The following MYH13 variants were observed in gnomAD, a reference collection of about 807,000 sequenced individuals.
The protein encoded by MYH13 is myosin-13.
A neutral mutation model predicts 232.1 loss-of-function variants in MYH13; 177 were observed. That is an observed-to-expected ratio of 0.76 (90% CI 0.67 to 0.86). The LOEUF (loss-of-function observed/expected upper bound fraction) is 0.86, where lower values mean the gene tolerates loss of function less well. Ranked by LOEUF, MYH13 falls within the 40% of genes least tolerant of loss-of-function variation. The pLI, the probability that MYH13 is intolerant of heterozygous loss-of-function variation, is 0.00. For synonymous variants in MYH13, 884 were observed against 923.5 expected, an observed-to-expected ratio of 0.96 and a Z score of 0.78; for missense variants, 2,246 against 2,405.9, an observed-to-expected ratio of 0.93 and a Z score of 1.39.
intron 23 of MYH13, among the ~76,000 whole-genome samples, chr17:10,322,343 A>T (rs377023568): frequency 6.6e-6 from 1 of 152,156 alleles, no homozygotes; most frequent in East Asian, 1.9e-4. Flanking sequence ...GGTTGCAGTG[A>T]GCTGAGATTG....
At chr17:10,313,105 C>A in intron 30 of MYH13, 53 bp downstream of exon 30, 1 of 1,612,532 alleles carries the variant, frequency 6.2e-7, no homozygotes, top group East Asian at 2.2e-5. Flanking sequence ...ACTCCTGGTC[C>A]CTTGGCTTGT....
At position 10,318,923 on chromosome 17, in the gene MYH13, T is replaced by A. The variant is rs1906826422; in HGVS notation, c.3605A>T (p.Asp1202Val). The part of the protein sequence containing the change: ...TAATLRKKQA[D>V]SVAELGEQID... Reference sequence around the variant, plus strand: ...CTGCTCCCCAAGCTCGGCCACACTATCTGCTTGCTTCTTCCTCAGGGTGGC... The same window carrying A: ...CTGCTCCCCAAGCTCGGCCACACTAACTGCTTGCTTCTTCCTCAGGGTGGC... Residue 1202 changes from aspartate (D) to valine (V), a missense_variant, in exon 27 of 41, where the codon GAT becomes GTT. Physicochemically the swap from Asp to Val is radical, Grantham distance 152 (BLOSUM62 -3). Coordinates refer to ENST00000252172, the MANE Select transcript of MYH13 (RefSeq NM_003802.3). 1 of 1,614,152 alleles carries A rather than the reference T, an allele frequency of 6.2e-7. No homozygotes were observed. Among genetic ancestry groups the A allele is most frequent in the Non-Finnish European group, 8.5e-7 (1 of 1,180,022 alleles).
rs35385439 is a variant in MYH13, at chr17:10,308,327, C to CAAA, written c.5169+904_5169+906dup. The stretch of plus-strand genomic sequence containing the variant: ...GACAGAAAGAGACTCTGCTCTGTCT[C>CAAA]AAAAAAAAAAAAAAAAGATGTCAAA... On this transcript the variant is annotated intron_variant, in intron 35 of 40. Coordinates refer to ENST00000252172, the MANE Select transcript of MYH13 (RefSeq NM_003802.3). 3.2e-4 allele frequency among the ~76,000 whole-genome samples: 39 copies of CAAA among 123,786 alleles called. 1 individual carries two copies. The highest frequency in any genetic ancestry group is 2.8e-3 in the South Asian group (11 of 3,978). The allele number at this position is 123,786 out of a possible 152,430, so 81.2% of individuals were successfully genotyped here.
At chr17:10,323,778 AAAAAAAAAAAAGAAGAAGAAG>A (rs1445553087) in intron 23 of MYH13, among the ~76,000 whole-genome samples, 4 of 87,602 alleles carry the variant, frequency 4.6e-5, no homozygotes, top group African/African-American at 1.4e-4. Context: ...AAAAAAAAAA[AAAAAAAAAAAAGAAGAAGAAG>A]AAGAAGAAGA....
intron 15 of MYH13, 81 bp downstream of exon 15, chr17:10,345,121 C>T: frequency 1.2e-6 from 2 of 1,610,070 alleles, no homozygotes; most frequent in South Asian, 2.2e-5. Context: ...GGGCCCCAAT[C>T]TGTGAGCAGA....
intron 21 of MYH13, among the ~76,000 whole-genome samples, chr17:10,329,505 C>T (rs1426816028): frequency 6.6e-6 from 1 of 152,222 alleles, no homozygotes; most frequent in Admixed American, 6.5e-5. Flanking sequence ...CAATCCTACC[C>T]CTTGTCTCTG....
intron 11 of MYH13, among the ~76,000 whole-genome samples, chr17:10,353,239 G>C (rs1044848095): frequency 2.6e-5 from 4 of 152,188 alleles, no homozygotes; most frequent in Non-Finnish European, 5.9e-5. Context: ...TCCAACTCAT[G>C]AATCATTCTT....
Position 10,327,920 on chromosome 17 carries a change from C to T in MYH13, c.2637G>A (p.Glu879=), listed in dbSNP as rs1597379745. Residue 879 remains glutamate (E), a synonymous_variant, in exon 22 of 41, where the codon GAG becomes GAA. Transcript: ENST00000252172. The stretch of plus-strand genomic sequence containing the variant: ...TCTCCTGCAGGAGGGAGACCATTTT[C>T]TCCTCCAGCTCCTTCCGGCGAGCCT... ...RSEARRKELE[E]KMVSLLQEKN... is the part of the protein sequence containing the mutation. 6.2e-7 allele frequency: 1 copy of T among 1,613,758 alleles called. No homozygotes were observed. The highest frequency in any genetic ancestry group is 8.5e-7 in the Non-Finnish European group (1 of 1,179,884).
chr17:10,354,673 T>A lies in MYH13; in HGVS notation c.1005+7A>T. 1 of 1,608,616 alleles carries A rather than the reference T, an allele frequency of 6.2e-7. No individual in the cohort carries two copies. The highest frequency in any genetic ancestry group is 8.5e-7 in the Non-Finnish European group (1 of 1,175,524). On this transcript the variant is annotated splice_region_variant and intron_variant, in intron 11 of 40. Coordinates refer to ENST00000252172, the MANE Select transcript of MYH13 (RefSeq NM_003802.3). ...TGCATAAACAGACAAATAAATGGCA[T>A]GCTTACATCTGTCGCCAGCAGTTCT...
At chr17:10,348,876 A>G (rs1300988760) in intron 12 of MYH13, among the ~76,000 whole-genome samples, 1 of 152,052 alleles carries the variant, frequency 6.6e-6, no homozygotes, top group Non-Finnish European at 1.5e-5. Flanking sequence ...TTACTTTAAA[A>G]TTCTCATTTC....
intron 22 of MYH13, chr17:10,324,756 GTTTTTTTT>G (rs56757162): frequency 1.1e-3 from 116 of 107,754 alleles, no homozygotes; most frequent in Admixed American, 2.0e-3. Flanking sequence ...CCATATACAT[GTTTTTTTT>G]TTTTTTTTTT....
intron 15 of MYH13, 119 bp downstream of exon 15, chr17:10,345,081 CTA>C: frequency 1.4e-6 from 2 of 1,458,666 alleles, no homozygotes; most frequent in Admixed American, 4.0e-5. Context: ...ATTCAGTTAT[CTA>C]TCTGAAGGCT....
In MYH13 at chr17:10,304,783, C is replaced by G. The variant is rs1001287764; in HGVS notation, c.5467-1285G>C. 1.3e-5 allele frequency among the ~76,000 whole-genome samples: 2 copies of G among 152,232 alleles called. No homozygotes were observed. Among genetic ancestry groups the G allele is most frequent in the African/African-American group, 4.8e-5 (2 of 41,460 alleles). ...ATTGTTAGAATGACAAAGCACTACACAGGTGTTGTTAATTTCATAGTTGCT... is the reference window on the plus strand; with the variant it reads ...ATTGTTAGAATGACAAAGCACTACAGAGGTGTTGTTAATTTCATAGTTGCT... On this transcript the variant is annotated intron_variant, in intron 37 of 40. Coordinates refer to ENST00000252172, the MANE Select transcript of MYH13 (RefSeq NM_003802.3). The surrounding 1 kb of genome is among the most constrained non-coding windows in gnomAD (Gnocchi z 5.3).
chr17:10,337,416 C>T (rs953520702), intron 18 of MYH13, among the ~76,000 whole-genome samples: 2 of 152,108 alleles, frequency 1.3e-5, no homozygotes, highest in African/African-American at 2.4e-5. Flanking sequence ...GTTCAGCAGG[C>T]GAGCAGAGGA....
intron 24 of MYH13, 102 bp downstream of exon 24, chr17:10,321,428 ATT>A (rs1906934617): frequency 1.7e-6 from 2 of 1,163,464 alleles, no homozygotes; most frequent in African/African-American, 3.1e-5. Flanking sequence ...AGGGATGCTG[ATT>A]CCAGAGTCTG....
chr17:10,331,985 G>T, intron 20 of MYH13, 114 bp downstream of exon 20: 1 of 1,362,990 alleles, frequency 7.3e-7, no homozygotes, highest in Non-Finnish European at 1.0e-6. Context: ...CTGGGCGACT[G>T]GGCAAGGACG....
At chr17:10,332,071 G>C (rs1907424670) in intron 20 of MYH13, 28 bp downstream of exon 20, 1 of 1,612,496 alleles carries the variant, frequency 6.2e-7, no homozygotes, top group Non-Finnish European at 8.5e-7. Context: ...GGGGTTACTA[G>C]GGGAGTCCCA....
chr17:10,343,754 A>G, intron 16 of MYH13, 46 bp downstream of exon 16: 3 of 1,525,518 alleles, frequency 2.0e-6, no homozygotes, highest in South Asian at 1.3e-5. Context: ...GTTAGGAGTC[A>G]TTACATAGAA....
chr17:10,361,467 T>C (rs2071792887), intron 5 of MYH13, among the ~76,000 whole-genome samples: 1 of 151,928 alleles, frequency 6.6e-6, no homozygotes, highest in South Asian at 2.1e-4. Context: ...AATTTTTTTG[T>C]ATTTTTACTA....
Sources: gnomAD v4.1 joint callset for allele counts (sites outside exome capture counted in the v4.1 genomes callset) on GRCh38, gnomAD v4.1.1 for gene constraint, Gnocchi (gnomAD v3.1) non-coding constraint, MANE v1.5 for transcripts, NCBI Gene and HGNC (gene_info 2026-07-23, HGNC 2026-07-21) for gene names.